The following LRRFIP2 variants were observed in gnomAD, a reference collection of about 807,000 sequenced individuals.
LRRFIP2 encodes the protein LRR binding FLII interacting protein 2, also known as leucine-rich repeat flightless-interacting protein 2.
A neutral mutation model predicts 125.9 loss-of-function variants in LRRFIP2; 109 were observed. The ratio of observed to expected loss-of-function variants is 0.87; its 90% CI spans 0.74 to 1.01. The LOEUF is 1.01. Ranked by LOEUF, LRRFIP2 falls within the 50% of genes least tolerant of loss-of-function variation. The probability of loss-of-function intolerance (pLI) is 0.00; values close to 1 mark genes in which losing one functional copy is unlikely to be tolerated. For synonymous variants in LRRFIP2, 291 were observed against 293.1 expected (o/e 0.99, Z 0.07); for missense variants, 850 against 862.3 (o/e 0.99, Z 0.18).
chr3:37,058,635 A>G (rs1198082221), intron 25 of LRRFIP2, among the ~76,000 whole-genome samples, 155 bp downstream of exon 25: 5 of 151,442 alleles, frequency 3.3e-5, no homozygotes, highest in African/African-American at 9.7e-5. Context: ...AGATTGCACC[A>G]CTGCACTCTG....
chr3:37,120,517 C>G (rs1221106644), intron 6 of LRRFIP2, among the ~76,000 whole-genome samples: 1 of 151,734 alleles, frequency 6.6e-6, no homozygotes, highest in African/African-American at 2.4e-5. Context: ...AAATAACCAG[C>G]CTGGAGAACA....
At chr3:37,134,556 G>A (rs984632095) in intron 2 of LRRFIP2, 2 of 452,372 alleles carry the variant, frequency 4.4e-6, no homozygotes, top group Admixed American at 5.3e-5. Flanking sequence ...GAGCCGGTAT[G>A]AGATGAGACA....
At chr3:37,084,544 G>C (rs2092900425) in intron 18 of LRRFIP2, among the ~76,000 whole-genome samples, 1 of 152,042 alleles carries the variant, frequency 6.6e-6, no homozygotes, top group South Asian at 2.1e-4. Flanking sequence ...GCGCACACCT[G>C]TAGTCCCAGC....
At chr3:37,130,473 G>T (rs1416477987) in intron 2 of LRRFIP2, among the ~76,000 whole-genome samples, 1 of 152,112 alleles carries the variant, frequency 6.6e-6, no homozygotes, top group Non-Finnish European at 1.5e-5. Flanking sequence ...CTGAAATAAG[G>T]CTCCTCACAG....
chr3:37,134,678 TA>T (rs1196362073), intron 2 of LRRFIP2: 18 of 700,218 alleles, frequency 2.6e-5, no homozygotes, highest in Admixed American at 1.3e-4. Flanking sequence ...GACAGATTAA[TA>T]AGGAACTTAG....
At chr3:37,118,869 T>C (rs1265606093) in intron 6 of LRRFIP2, among the ~76,000 whole-genome samples, 1 of 152,202 alleles carries the variant, frequency 6.6e-6, no homozygotes, top group Non-Finnish European at 1.5e-5. Flanking sequence ...ACTCCAAAAT[T>C]ATATAGCAAA....
intron 2 of LRRFIP2, among the ~76,000 whole-genome samples, chr3:37,143,013 T>C (rs2095754135): frequency 6.6e-6 from 1 of 152,124 alleles, no homozygotes; most frequent in Non-Finnish European, 1.5e-5. Flanking sequence ...TAAGTTCTCG[T>C]GAGATCTGGC....
At chr3:37,140,326 T>C (rs2095660593) in intron 2 of LRRFIP2, 1 of 152,276 alleles carries the variant, frequency 6.6e-6, no homozygotes, top group African/African-American at 2.4e-5. Context: ...AAATTGAAGC[T>C]GTGCTCGCTA....
At chr3:37,124,673 T>C (rs2149609571) in intron 4 of LRRFIP2, among the ~76,000 whole-genome samples, 1 of 152,300 alleles carries the variant, frequency 6.6e-6, no homozygotes, top group South Asian at 2.1e-4. Flanking sequence ...TTAGACGTTT[T>C]TATTCACCAG....
intron 1 of LRRFIP2, among the ~76,000 whole-genome samples, chr3:37,159,881 G>A (rs532447466): frequency 6.7e-6 from 1 of 148,690 alleles, no homozygotes; most frequent in African/African-American, 2.5e-5. Context: ...GGCAGCTGGG[G>A]TTTTGACACA....
intron 1 of LRRFIP2, among the ~76,000 whole-genome samples, chr3:37,173,518 T>C (rs2096614875): frequency 6.6e-6 from 1 of 152,228 alleles, no homozygotes; most frequent in Non-Finnish European, 1.5e-5. Flanking sequence ...GTAGTACATT[T>C]TCCCTATTAA....
intron 27 of LRRFIP2, among the ~76,000 whole-genome samples, 164 bp downstream of exon 27, chr3:37,054,241 CATAAAA>C (rs1221878652): frequency 6.6e-6 from 1 of 152,138 alleles, no homozygotes; most frequent in Non-Finnish European, 1.5e-5. Context: ...TTGACCAAAA[CATAAAA>C]GTAAATGGCA....
chr3:37,158,819 G>A (rs944207729), intron 1 of LRRFIP2, among the ~76,000 whole-genome samples: 14 of 152,080 alleles, frequency 9.2e-5, no homozygotes, highest in Non-Finnish European at 2.9e-5. Context: ...TTTTCATAAA[G>A]TAAAACCTAT....
intron 6 of LRRFIP2, 59 bp downstream of exon 6, chr3:37,121,433 A>G (rs767323800): frequency 1.1e-5 from 16 of 1,489,270 alleles, no homozygotes; most frequent in Non-Finnish European, 1.5e-5. Flanking sequence ...TTTAGGCAAC[A>G]TTATTGAAGA....
chr3:37,156,195 A>G (rs978888660), intron 1 of LRRFIP2, among the ~76,000 whole-genome samples: 6 of 152,076 alleles, frequency 3.9e-5, no homozygotes, highest in Non-Finnish European at 5.9e-5. Flanking sequence ...ATTTTTTATC[A>G]TCAGCCAAGC....
intron 21 of LRRFIP2, chr3:37,066,545 T>C (rs544263887): frequency 4.0e-5 from 20 of 498,316 alleles, no homozygotes; most frequent in Non-Finnish European, 6.6e-5. Flanking sequence ...TTCTCATGCA[T>C]CAATTTGGCA....
chr3:37,120,587 C>T (rs183415131), intron 6 of LRRFIP2, among the ~76,000 whole-genome samples: 8 of 151,866 alleles, frequency 5.3e-5, no homozygotes, highest in Admixed American at 1.3e-4. Flanking sequence ...ATGTCAATAA[C>T]TAGTATGCCA....
rs561499749 is a variant in LRRFIP2, at chr3:37,145,660, C to T, written c.90+3234G>A. Among the ~76,000 whole-genome samples, 121 of 152,282 alleles carry T rather than the reference C, an allele frequency of 7.9e-4. 1 individual carries two copies. The highest frequency in any genetic ancestry group is 2.3e-3 in the East Asian group (12 of 5,182). ...ATGGCTAGTAATAATATCTATCCTA[C>T]TTAGCTCAAGACTTTTGTGAGAATC... On this transcript the variant is annotated intron_variant, in intron 2 of 27. Transcript: ENST00000336686.
chr3:37,122,789 A>G lies in LRRFIP2; in HGVS notation c.229-1098T>C, dbSNP rs146866831. On this transcript the variant is annotated intron_variant, in intron 4 of 27. Transcript: ENST00000336686. ...TGATTGCAGCCTAACAGTTGACTAA[A>G]TTAAATGTAATTCTAAACTTTTCCA... 2.3e-4 allele frequency among the ~76,000 whole-genome samples: 35 copies of G among 152,370 alleles called. No homozygotes were observed. The East Asian group carries it at 6.7e-3, about 29-fold the overall frequency.
Sources: allele counts gnomAD v4.1 joint callset (sites outside exome capture counted in the v4.1 genomes callset), GRCh38; gene constraint gnomAD v4.1.1; transcripts MANE v1.5; gene names NCBI Gene and HGNC (gene_info 2026-07-23, HGNC 2026-07-21).